Variants in GUCY1A2 observed in about 807,000 individuals in gnomAD.
The protein encoded by GUCY1A2 is guanylate cyclase 1 soluble subunit alpha 2.
GUCY1A2 carries 27 observed loss-of-function variants against 63.5 expected under a neutral mutation model. The observed-to-expected ratio is 0.43, with a 90% CI of 0.31 to 0.59. The LOEUF is 0.59. Among genes scored for constraint, GUCY1A2 ranks in the 20% least tolerant of loss-of-function variants. The pLI, the probability that GUCY1A2 is intolerant of heterozygous loss-of-function variation, is 0.11. For missense variants in GUCY1A2, 768 were observed against 913.3 expected, an observed-to-expected ratio of 0.84 and a Z score of 2.05; for synonymous variants, 364 against 343.5, an observed-to-expected ratio of 1.06 and a Z score of -0.66.
chr11:107,014,966 AG>A (rs1861800146), intron 1 of GUCY1A2, among the ~76,000 whole-genome samples: 1 of 152,254 alleles, frequency 6.6e-6, no homozygotes, highest in South Asian at 2.1e-4. Flanking sequence ...TCTCCTGAAG[AG>A]TATTCAAAGA....
intron 4 of GUCY1A2, among the ~76,000 whole-genome samples, chr11:106,909,975 G>A (rs1860270975): frequency 6.6e-6 from 1 of 151,882 alleles, no homozygotes; most frequent in Non-Finnish European, 1.5e-5. Flanking sequence ...AAAATCAAAT[G>A]AACAGTGTAT....
At chr11:106,696,401 C>G (rs1862720143) in intron 7 of GUCY1A2, among the ~76,000 whole-genome samples, 3 of 152,084 alleles carry the variant, frequency 2.0e-5, no homozygotes, top group South Asian at 4.1e-4. Flanking sequence ...ACTTCTCTGA[C>G]CAAAAGTCTT....
chr11:106,855,893 T>TTTTCTTTTTTTTATTA (rs536833371), intron 4 of GUCY1A2, among the ~76,000 whole-genome samples: 2,880 of 94,402 alleles, frequency 0.031, 60 homozygotes, highest in South Asian at 0.042. Flanking sequence ...GTCTCTTGTA[T>TTTTCTTTTTTTTATTA]TTTATTTATT....
In GUCY1A2 at chr11:106,953,777, C is replaced by G. The variant is rs151042662; in HGVS notation, c.488-13599G>C. On this transcript the variant is annotated intron_variant, in intron 3 of 7. Coordinates refer to ENST00000526355, the MANE Select transcript of GUCY1A2 (RefSeq NM_000855.3). ...AGGGTGTATGTGTCCAGGAATTTAT[C>G]CATTTCTTCTAGATTTTCTAGTTTA... Among the ~76,000 whole-genome samples, 4 of 151,714 alleles carry G rather than the reference C, an allele frequency of 2.6e-5. No homozygotes were observed. In the East Asian group the frequency reaches 7.8e-4, roughly 30 times the overall value.
intron 5 of GUCY1A2, among the ~76,000 whole-genome samples, chr11:106,783,986 G>T (rs1864512440): frequency 6.6e-6 from 1 of 152,160 alleles, no homozygotes. Flanking sequence ...TCCAGCTCCA[G>T]CCTTCAGAAA....
At chr11:106,843,233 G>T (rs1859224668) in intron 4 of GUCY1A2, among the ~76,000 whole-genome samples, 1 of 151,650 alleles carries the variant, frequency 6.6e-6, no homozygotes, top group African/African-American at 2.4e-5. Flanking sequence ...ATATTTTTAA[G>T]AAAAAAAGTA....
chr11:106,892,735 T>C (rs1285058432), intron 4 of GUCY1A2, among the ~76,000 whole-genome samples: 1 of 152,178 alleles, frequency 6.6e-6, no homozygotes, highest in East Asian at 1.9e-4. Context: ...GCTTTAAAAG[T>C]CATTGTAAAA....
chr11:106,984,611 C>T (rs1861377984), intron 2 of GUCY1A2, among the ~76,000 whole-genome samples: 1 of 152,044 alleles, frequency 6.6e-6, no homozygotes, highest in Admixed American at 6.6e-5. Flanking sequence ...CATTCATAAT[C>T]CCAGAAAATT....
At chr11:106,828,993 G>T (rs756319019) in intron 4 of GUCY1A2, among the ~76,000 whole-genome samples, 1 of 152,174 alleles carries the variant, frequency 6.6e-6, no homozygotes, top group Non-Finnish European at 1.5e-5. Flanking sequence ...CAGTCGCACT[G>T]CTATATTTTA....
chr11:106,779,636 G>A (rs1864423510), intron 5 of GUCY1A2, among the ~76,000 whole-genome samples: 1 of 137,496 alleles, frequency 7.3e-6, no homozygotes, highest in African/African-American at 2.8e-5. Context: ...ATCCTCATCA[G>A]CATCTCAATT....
intron 7 of GUCY1A2, among the ~76,000 whole-genome samples, chr11:106,696,347 C>A (rs1173659910): frequency 6.6e-6 from 1 of 152,154 alleles, no homozygotes; most frequent in African/African-American, 2.4e-5. Flanking sequence ...GAAAAGATAA[C>A]TGTAACCAGT....
Position 106,740,245 on chromosome 11 carries a change from G to A in GUCY1A2, c.1837-31579C>T, listed in dbSNP as rs541020367. On this transcript the variant is annotated intron_variant, in intron 6 of 7. Transcript: ENST00000526355. ...AAACTCCTCACCTCAGGTGACCCAC[G>A]TGCCTTGGCCTCCCAACAATGTGCT... Among the ~76,000 whole-genome samples the A allele has an allele frequency of 1.2e-3, 180 of 151,712 alleles. 1 individual carries two copies. The highest frequency in any genetic ancestry group is 4.1e-3 in the African/African-American group (168 of 41,378).
chr11:106,873,025 T>C (rs995238585), intron 4 of GUCY1A2, among the ~76,000 whole-genome samples: 7 of 152,124 alleles, frequency 4.6e-5, no homozygotes, highest in African/African-American at 1.7e-4. Flanking sequence ...CAGTGTTTGG[T>C]TTTCTGATCC....
At position 107,011,736 on chromosome 11, in the gene GUCY1A2, T is replaced by C. The variant is rs1861749161; in HGVS notation, c.303+6017A>G. Among the ~76,000 whole-genome samples the C allele has an allele frequency of 4.0e-5, 6 of 148,886 alleles. No individual in the cohort carries two copies. In the South Asian group the frequency reaches 1.3e-3, roughly 31 times the overall value. On this transcript the variant is annotated intron_variant, in intron 1 of 7. Transcript: ENST00000526355. ...AAATGTAACTTTAAAGTGAAAGTTC[T>C]ACTCTTCAGAAGGCTGAGGCAGGAG...
intron 5 of GUCY1A2, among the ~76,000 whole-genome samples, chr11:106,786,989 C>T (rs538490058): frequency 1.1e-4 from 17 of 152,206 alleles, no homozygotes; most frequent in Admixed American, 7.2e-4. Context: ...TGAATAAACA[C>T]ATAAGGAGTG....
chr11:106,929,080 T>C (rs1860567661), intron 4 of GUCY1A2, among the ~76,000 whole-genome samples: 1 of 152,222 alleles, frequency 6.6e-6, no homozygotes, highest in Non-Finnish European at 1.5e-5. Flanking sequence ...ATGTGTAAAC[T>C]AGCTTTGTCT....
chr11:106,882,650 C>T (rs752155844), intron 4 of GUCY1A2, among the ~76,000 whole-genome samples: 3 of 151,968 alleles, frequency 2.0e-5, no homozygotes, highest in Non-Finnish European at 4.4e-5. Flanking sequence ...TAGGGCTTGG[C>T]ATGACTGTTG....
rs1861148428 is a variant in GUCY1A2, at chr11:106,968,086, G to C, written c.487+10533C>G. Among the ~76,000 whole-genome samples, 7 of 152,198 alleles carry C rather than the reference G, an allele frequency of 4.6e-5. 1 individual carries two copies. The highest frequency in any genetic ancestry group is 3.9e-4 in the Admixed American group (6 of 15,278). ...TCAAATATCCTAAGAATTGACTACA[G>C]TTTCTTAAGCATCCTTGCCCAAGAG... On this transcript the variant is annotated intron_variant, in intron 3 of 7. Transcript: ENST00000526355.
chr11:106,962,792 AATAT>A (rs1238670144), intron 3 of GUCY1A2, among the ~76,000 whole-genome samples: 2 of 148,664 alleles, frequency 1.3e-5, no homozygotes, highest in Non-Finnish European at 3.0e-5. Flanking sequence ...ATATATATAA[AATAT>A]ATATACACAT....
Sources: allele counts gnomAD v4.1 joint callset (sites outside exome capture counted in the v4.1 genomes callset), GRCh38; gene constraint gnomAD v4.1.1; transcripts MANE v1.5; gene names NCBI Gene and HGNC (gene_info 2026-07-23, HGNC 2026-07-21).